RIN3: variants seen among roughly 807,000 people sequenced by gnomAD.
The protein encoded by RIN3 is RAB5 interacting protein 3.
RIN3 carries 54 observed loss-of-function variants against 76.3 expected under a neutral mutation model. The ratio of observed to expected loss-of-function variants is 0.71; its 90% CI spans 0.57 to 0.89. The LOEUF is 0.89. Ranked by LOEUF, RIN3 falls within the 40% of genes least tolerant of loss-of-function variation. The pLI, the probability that RIN3 is intolerant of heterozygous loss-of-function variation, is 0.00. For synonymous variants in RIN3, 576 were observed against 564.0 expected (o/e 1.02, Z -0.30); for missense variants, 1,256 against 1,322.1 (o/e 0.95, Z 0.78).
At chr14:92,576,509 C>T in intron 2 of RIN3, 2 of 871,488 alleles carry the variant, frequency 2.3e-6, no homozygotes, top group African/African-American at 1.7e-5. Flanking sequence ...ATGCAGAGGC[C>T]TCATGGCATG....
intron 3 of RIN3, among the ~76,000 whole-genome samples, chr14:92,608,669 G>A (rs1001490521): frequency 1.1e-4 from 17 of 151,916 alleles, no homozygotes; most frequent in Non-Finnish European, 2.5e-4. Flanking sequence ...TGAGTAGCTG[G>A]GATTACAGGC....
At position 92,576,172 on chromosome 14, in the gene RIN3, T is replaced by C. The variant is rs558855444; in HGVS notation, c.250-1188T>C. 21 of 1,214,536 alleles carry C rather than the reference T, an allele frequency of 1.7e-5. No homozygotes were observed. The Middle Eastern group carries it at 1.1e-3, about 64-fold the overall frequency. The allele number at this position is 1,214,536 out of a possible 1,614,324, so 75.2% of individuals were successfully genotyped here. ...CTGTGCCACAGGAGGCTGGGGAGAT[T>C]CCAGAAGGTGTCACCTGCCAAGGAG... On this transcript the variant is annotated intron_variant, in intron 2 of 9. Transcript: ENST00000216487.
intron 1 of RIN3, among the ~76,000 whole-genome samples, chr14:92,550,165 C>T (rs1178248873): frequency 2.0e-5 from 3 of 152,182 alleles, no homozygotes; most frequent in African/African-American, 7.2e-5. Context: ...GCCATCTTGC[C>T]ACAAGTCACT....
intron 3 of RIN3, among the ~76,000 whole-genome samples, chr14:92,578,571 A>G (rs965764738): frequency 1.3e-5 from 2 of 152,208 alleles, no homozygotes; most frequent in Admixed American, 6.5e-5. Flanking sequence ...GAGTTTTATT[A>G]TTACTCAAAT....
At position 92,688,218 on chromosome 14, in the gene RIN3, C is replaced by T. The variant is rs1298107126; in HGVS notation, c.2924C>T (p.Pro975Leu). ...GGCGGCGGCGGCGGCGGGAGCCCGCCCTGCCTGGTGGTGCGGGAGCCCAAC... is the reference window on the plus strand; with the variant it reads ...GGCGGCGGCGGCGGCGGGAGCCCGCTCTGCCTGGTGGTGCGGGAGCCCAAC... ...GGGGGGGGSP[P>L]CLVVREPNFL The change falls in exon 10 of 10, where the codon CCC becomes CTC. Residue 975 changes from proline (P) to leucine (L), a missense_variant. Physicochemically the swap from Pro to Leu is moderately conservative, Grantham distance 98 (BLOSUM62 -3). Around this residue, in one of 3 missense-constraint regions of RIN3, gnomAD observed 218 missense variants for 174.5 expected, o/e 1.25. Transcript: ENST00000216487. 2 of 1,601,440 alleles carry T rather than the reference C, an allele frequency of 1.2e-6. No homozygotes were observed. The highest frequency in any genetic ancestry group is 2.7e-5 in the African/African-American group (2 of 74,814).
At chr14:92,547,056 AT>A (rs1406585348) in intron 1 of RIN3, among the ~76,000 whole-genome samples, 2 of 112,680 alleles carry the variant, frequency 1.8e-5, no homozygotes, top group Non-Finnish European at 4.0e-5. Context: ...TTATAATAAA[AT>A]AAATTATATT....
chr14:92,563,499 A>G (rs1350287753), intron 2 of RIN3, among the ~76,000 whole-genome samples: 1 of 152,208 alleles, frequency 6.6e-6, no homozygotes, highest in Non-Finnish European at 1.5e-5. Context: ...AACCCTGCAA[A>G]ACAGGGGTGT....
chr14:92,600,846 T>C (rs533143138), intron 3 of RIN3, among the ~76,000 whole-genome samples: 3 of 152,378 alleles, frequency 2.0e-5, no homozygotes, highest in Admixed American at 1.3e-4. Context: ...CCCCGGGCTC[T>C]GTCCACTAGA....
chr14:92,589,764 T>C (rs565603254), intron 3 of RIN3, among the ~76,000 whole-genome samples: 63 of 152,308 alleles, frequency 4.1e-4, no homozygotes, highest in Middle Eastern at 3.4e-3. Context: ...TTGCCCCCCT[T>C]CCCATGTGAC....
intron 1 of RIN3, among the ~76,000 whole-genome samples, chr14:92,547,429 C>G (rs937084535): frequency 1.4e-5 from 2 of 147,230 alleles, no homozygotes; most frequent in Non-Finnish European, 3.0e-5. Context: ...GGGTCTTGCT[C>G]TGTCACCCAG....
At chr14:92,612,396 G>A (rs536190452) in intron 3 of RIN3, among the ~76,000 whole-genome samples, 16 of 152,316 alleles carry the variant, frequency 1.1e-4, no homozygotes, top group South Asian at 2.1e-4. Flanking sequence ...AGAAAGGTGC[G>A]AGGCTGTTTG....
At chr14:92,601,482 C>T (rs1470715002) in intron 3 of RIN3, among the ~76,000 whole-genome samples, 1 of 152,214 alleles carries the variant, frequency 6.6e-6, no homozygotes, top group African/African-American at 2.4e-5. Context: ...AAATGGTGAA[C>T]TTTGTAAGAT....
At chr14:92,515,497 G>T in intron 1 of RIN3, 1 of 483,912 alleles carries the variant, frequency 2.1e-6, no homozygotes, top group South Asian at 3.7e-5. Flanking sequence ...TCAATAAAAT[G>T]ATAAATAATA....
At chr14:92,629,582 G>A (rs996292790) in intron 4 of RIN3, among the ~76,000 whole-genome samples, 3 of 152,188 alleles carry the variant, frequency 2.0e-5, no homozygotes, top group African/African-American at 2.4e-5. Flanking sequence ...GCTGAAGTGC[G>A]AACTGGCCTT....
chr14:92,617,992 G>A (rs917742639), intron 4 of RIN3, among the ~76,000 whole-genome samples: 1 of 152,176 alleles, frequency 6.6e-6, no homozygotes, highest in Non-Finnish European at 1.5e-5. Context: ...AAGAGTGAAG[G>A]CCTCCTGGCA....
In RIN3 at chr14:92,606,145, CAAA is replaced by C. The variant is rs10573887; in HGVS notation, c.368-9246_368-9244del. On this transcript the variant is annotated intron_variant, in intron 3 of 9. Coordinates refer to ENST00000216487, the MANE Select transcript of RIN3 (RefSeq NM_024832.5). ...GCAGAGGGAACCCCAGAGCCAGTCT[CAAA>C]AAAAAAAAAAAAAAAGAGGACAAAA... Among the ~76,000 whole-genome samples the C allele has an allele frequency of 4.0e-4, 38 of 95,956 alleles. No homozygotes were observed. In the East Asian group the frequency reaches 5.5e-3, roughly 14 times the overall value. The allele number at this position is 95,956 out of a possible 152,430, so 63.0% of individuals were successfully genotyped here.
intron 7 of RIN3, among the ~76,000 whole-genome samples, chr14:92,668,512 A>G (rs145680250): frequency 6.6e-6 from 1 of 152,106 alleles, no homozygotes; most frequent in East Asian, 1.9e-4. Context: ...TCAGAGCAGA[A>G]CTGAGACTTA....
intron 1 of RIN3, among the ~76,000 whole-genome samples, chr14:92,549,397 C>A (rs1380268289): frequency 1.3e-5 from 2 of 152,202 alleles, no homozygotes; most frequent in African/African-American, 4.8e-5. Flanking sequence ...AAAGCCGGAA[C>A]CCTGTGAAGC....
chr14:92,644,051 A>T (rs1452971393), intron 5 of RIN3, among the ~76,000 whole-genome samples: 2 of 151,978 alleles, frequency 1.3e-5, no homozygotes, highest in Admixed American at 6.6e-5. Context: ...TATGTGAAAC[A>T]TGCTCTCCTT....
Sources: allele counts gnomAD v4.1 joint callset (sites outside exome capture counted in the v4.1 genomes callset), GRCh38; gene constraint gnomAD v4.1.1; regional missense constraint gnomAD v4.1.1; transcripts MANE v1.5; gene names NCBI Gene and HGNC (gene_info 2026-07-23, HGNC 2026-07-21).